The following ING5 variants were observed in gnomAD, a reference collection of about 807,000 sequenced individuals.
ING5 encodes the protein inhibitor of growth family member 5.
In ING5, 17 loss-of-function variants were observed where a neutral mutation model predicts 37.4. The observed-to-expected ratio is 0.45, with a 90% CI of 0.31 to 0.68. The LOEUF is 0.68. ING5 is among the 30% of genes least tolerant of loss of function. The probability of loss-of-function intolerance (pLI) is 0.05; values close to 1 mark genes in which losing one functional copy is unlikely to be tolerated. For synonymous variants in ING5, 123 were observed against 116.6 expected (o/e 1.06, Z -0.36); for missense variants, 233 against 311.9 (o/e 0.75, Z 1.91).
chr2:241,719,314 G>A (rs778905299), intron 5 of ING5, among the ~76,000 whole-genome samples: 8 of 152,356 alleles, frequency 5.3e-5, no homozygotes, highest in Admixed American at 1.3e-4. Context: ...GTGGCCCAGT[G>A]GCCAGCCCAG....
intron 1 of ING5, among the ~76,000 whole-genome samples, chr2:241,703,059 C>T (rs1037419268): frequency 3.3e-5 from 5 of 152,158 alleles, no homozygotes; most frequent in African/African-American, 1.2e-4. Context: ...CCATGTGCTC[C>T]GCTGTCTCTT....
intron 1 of ING5, among the ~76,000 whole-genome samples, chr2:241,689,377 TGGGATTACAGAC>T (rs2124845696): frequency 6.6e-6 from 1 of 152,358 alleles, no homozygotes; most frequent in Non-Finnish European, 1.5e-5. Flanking sequence ...CCCTAAGTGC[TGGGATTACAGAC>T]GTGAACCACT....
intron 2 of ING5, among the ~76,000 whole-genome samples, chr2:241,705,394 CTTTTT>C: frequency 8.5e-6 from 1 of 117,292 alleles, no homozygotes; most frequent in African/African-American, 3.2e-5. Flanking sequence ...CTGTTTTTTT[CTTTTT>C]TTTTTTTTTT....
chr2:241,706,580 G>A (rs572342772), intron 2 of ING5, among the ~76,000 whole-genome samples: 11 of 139,168 alleles, frequency 7.9e-5, no homozygotes, highest in Admixed American at 4.1e-4. Context: ...CCTGGAGATC[G>A]CACCATTGCA....
chr2:241,704,898 G>C (rs2069856445), intron 2 of ING5, among the ~76,000 whole-genome samples, 174 bp downstream of exon 2: 1 of 152,170 alleles, frequency 6.6e-6, no homozygotes, highest in African/African-American at 2.4e-5. Context: ...TACTTTTGAA[G>C]CCACATTGTT....
intron 2 of ING5, among the ~76,000 whole-genome samples, chr2:241,706,639 AAAAAG>A (rs2069921524): frequency 6.6e-6 from 1 of 151,676 alleles, no homozygotes; most frequent in African/African-American, 2.4e-5. Context: ...AAAAAAAAAA[AAAAAG>A]AAAAAAAGGA....
chr2:241,720,068 G>A, intron 5 of ING5: 1 of 1,242,644 alleles, frequency 8.0e-7, no homozygotes, highest in Non-Finnish European at 1.0e-6. Flanking sequence ...GCGCCAAGGA[G>A]GCCCCTTCCA....
rs1414256449 is a variant in ING5 at position 241,726,128 on chromosome 2, C to T, written c.*1097C>T. 2.6e-5 allele frequency: 4 copies of T among 152,482 alleles called. No homozygotes were observed. Among genetic ancestry groups the T allele is most frequent in the East Asian group, 1.9e-4 (1 of 5,186 alleles). 9.4% of individuals were successfully genotyped at this position (152,482 alleles called of 1,614,324 possible). A position where few individuals can be genotyped will look rare whatever the true frequency, so the allele number is the denominator to read the frequency against. ...GTGACGGTGCCCAGCCTGCGGTTCCCCACAGCATCGCAGGCGCTCGGAAAT... is the reference window on the plus strand; with the variant it reads ...GTGACGGTGCCCAGCCTGCGGTTCCTCACAGCATCGCAGGCGCTCGGAAAT... On this transcript the variant is annotated 3_prime_UTR_variant, in exon 8 of 8. Coordinates refer to ENST00000313552, the MANE Select transcript of ING5 (RefSeq NM_032329.6).
upstream of ING5, chr2:241,701,938 A>ACCCCGC (rs2069737221): frequency 2.3e-6 from 1 of 442,136 alleles, no homozygotes; most frequent in Non-Finnish European, 3.5e-6. Context: ...GGCGTGTCCG[A>ACCCCGC]CCCCGCCCCC....
rs144535151 is a variant in ING5 at position 241,728,739 on chromosome 2, C to T, written c.*3708C>T. 14,227 of 152,288 alleles carry T rather than the reference C, an allele frequency of 0.093. 712 individuals are homozygous for T. The highest frequency in any genetic ancestry group is 0.15 in the South Asian group (719 of 4,828). The allele number at this position is 152,288 out of a possible 1,614,324, so 9.4% of individuals were successfully genotyped here. A position where few individuals can be genotyped will look rare whatever the true frequency, so the allele number is the denominator to read the frequency against. ...TGAGACCACTGTTGGCCAGGGACGC[C>T]GTGCGGAGGCCTACGTGGCTGCCTG... is the stretch of plus-strand genomic sequence containing the variant. On this transcript the variant is annotated 3_prime_UTR_variant, in exon 8 of 8. Transcript: ENST00000313552.
chr2:241,709,145 G>T, intron 2 of ING5, 71 bp from the exon 3 acceptor site: 1 of 1,502,170 alleles, frequency 6.7e-7, no homozygotes, highest in South Asian at 1.3e-5. Flanking sequence ...GCTGACTTTA[G>T]TTGTTGCCAG....
At chr2:241,687,057 C>T (rs1029009130), upstream of ING5, 17 of 417,854 alleles carry the variant, frequency 4.1e-5, no homozygotes, top group Admixed American at 4.0e-4. Flanking sequence ...GCGAGCAGGG[C>T]CCTTCGCTCC....
upstream of ING5, among the ~76,000 whole-genome samples, chr2:241,698,128 A>G (rs1306859097): frequency 2.0e-5 from 3 of 146,694 alleles, no homozygotes; most frequent in Admixed American, 6.9e-5. Context: ...CCCTTATGGA[A>G]ATAATGATGG....
chr2:241,700,150 G>GTTTTTTTTT, upstream of ING5, among the ~76,000 whole-genome samples: 1 of 73,278 alleles, frequency 1.4e-5, no homozygotes, highest in Non-Finnish European at 2.5e-5. Flanking sequence ...GCCCGGCTAA[G>GTTTTTTTTT]TTTTTTTTTT....
Position 241,692,336 on chromosome 2 carries a change from G to C in ING5, c.43+1683G>C, listed in dbSNP as rs182328200. On this transcript the variant is annotated intron_variant, in intron 2 of 7. Coordinates refer to the ING5 transcript ENST00000636051. Reference sequence around the variant, plus strand: ...AATTTTTTTTTCTTTTTAGAGACAGGGTCTCACTCTTGTTCAGGCTGAAGT... The same window carrying C: ...AATTTTTTTTTCTTTTTAGAGACAGCGTCTCACTCTTGTTCAGGCTGAAGT... Among the ~76,000 whole-genome samples, 7 of 151,414 alleles carry C rather than the reference G, an allele frequency of 4.6e-5. No homozygotes were observed. In the East Asian group the frequency reaches 1.4e-3, roughly 29 times the overall value.
chr2:241,717,921 G>A (rs937663679), intron 5 of ING5, among the ~76,000 whole-genome samples: 7 of 152,090 alleles, frequency 4.6e-5, no homozygotes, highest in Admixed American at 2.0e-4. Context: ...CTCCCTGTGC[G>A]TTCCTTAGCT....
At chr2:241,702,844 C>T (rs1445023582) in intron 1 of ING5, among the ~76,000 whole-genome samples, 3 of 152,264 alleles carry the variant, frequency 2.0e-5, no homozygotes, top group South Asian at 2.1e-4. Context: ...CACGCGGGAC[C>T]CCTGACGTCG....
At chr2:241,691,449 A>AAC (rs2069553584) in intron 2 of ING5, among the ~76,000 whole-genome samples, 4 of 151,134 alleles carry the variant, frequency 2.6e-5, no homozygotes, top group Admixed American at 1.3e-4. Flanking sequence ...AAAAAAAAAA[A>AAC]ACAAAAACAA....
At chr2:241,695,626 C>T (rs1190983658) in intron 2 of ING5, among the ~76,000 whole-genome samples, 1 of 152,058 alleles carries the variant, frequency 6.6e-6, no homozygotes, top group Non-Finnish European at 1.5e-5. Context: ...GTGGAGGTTG[C>T]AGTGAGCTGA....
Sources: gnomAD v4.1 joint callset for allele counts (sites outside exome capture counted in the v4.1 genomes callset) on GRCh38, gnomAD v4.1.1 for gene constraint, MANE v1.5 for transcripts, NCBI Gene and HGNC (gene_info 2026-07-23, HGNC 2026-07-21) for gene names.